Variants in NOCT observed in about 807,000 individuals in gnomAD.
NOCT encodes CCR4 carbon catabolite repression 4-like.
Under a neutral mutation model 35.0 loss-of-function variants are expected in NOCT, and 18 were observed. The ratio of observed to expected loss-of-function variants is 0.51; its 90% confidence interval spans 0.36 to 0.76. NOCT has a LOEUF of 0.76. NOCT is among the 30% of genes least tolerant of loss of function. NOCT has a pLI of 0.01. For missense variants in NOCT, 479 were observed against 541.0 expected (o/e 0.89, Z 1.14); for synonymous variants, 235 against 226.3 (o/e 1.04, Z -0.34).
At position 139,043,156 on chromosome 4, in the gene NOCT, A is replaced by G. The variant is rs755819420; in HGVS notation, c.273A>G (p.Pro91=). The G allele has an allele frequency of 6.2e-7, 1 of 1,614,052 alleles. No homozygotes were observed. The highest frequency in any genetic ancestry group is 1.1e-5 in the South Asian group (1 of 91,082). The change falls in exon 2 of 3, where the codon CCA becomes CCG. Residue 91 remains proline, a synonymous_variant. Transcript: ENST00000280614. ...TLNSSAASQH[P]EYLVSPDPEH... ...ACAGCAGCGCTGCCTCCCAGCACCC[A>G]GAGTATTTGGTGTCACCTGACCCAG...
At chr4:139,031,598 A>G (rs1462694748) in intron 1 of NOCT, among the ~76,000 whole-genome samples, 1 of 152,146 alleles carries the variant, frequency 6.6e-6, no homozygotes, top group Non-Finnish European at 1.5e-5. Context: ...TTATGGTCGC[A>G]TTCTTAGGAA....
At chr4:139,017,385 G>A (rs1018349601) in intron 1 of NOCT, among the ~76,000 whole-genome samples, 2 of 150,908 alleles carry the variant, frequency 1.3e-5, no homozygotes, top group African/African-American at 2.4e-5. Flanking sequence ...GCGCCACCGC[G>A]CCAGGCTGAT....
At position 139,015,898 on chromosome 4, in the gene NOCT, A is replaced by T. The variant is rs954388561; in HGVS notation, c.-84A>T. The T allele has an allele frequency of 4.3e-4, 477 of 1,107,738 alleles. 5 individuals carry two copies. In the Middle Eastern group the frequency reaches 6.2e-3, roughly 14 times the overall value. 68.6% of individuals were successfully genotyped at this position (1,107,738 alleles called of 1,614,324 possible). A position where few individuals can be genotyped will look rare whatever the true frequency, so the allele number is the denominator to read the frequency against. ...GAGCATCCGCCCACACTGCCCGGAC[A>T]GTCGGCTCGACTCGGTGCCCTCGGC... is the stretch of plus-strand genomic sequence containing the variant. On this transcript the variant is annotated 5_prime_UTR_variant, in exon 1 of 3. Transcript: ENST00000280614.
chr4:139,032,390 C>T (rs964833209), intron 1 of NOCT, among the ~76,000 whole-genome samples: 4 of 152,176 alleles, frequency 2.6e-5, no homozygotes, highest in African/African-American at 4.8e-5. Context: ...ATTGCCGTGA[C>T]TCATGCCCAG....
intron 1 of NOCT, among the ~76,000 whole-genome samples, chr4:139,020,301 T>A (rs1212741899): frequency 6.6e-6 from 1 of 152,240 alleles, no homozygotes. Context: ...ACAAGCTTTA[T>A]TGAATAGTAC....
chr4:139,016,285 C>A, intron 1 of NOCT, 114 bp downstream of exon 1: 2 of 624,456 alleles, frequency 3.2e-6, no homozygotes, highest in Non-Finnish European at 2.3e-6. Context: ...TGGAGTCTGG[C>A]CTGAAAGTGG....
intron 1 of NOCT, among the ~76,000 whole-genome samples, chr4:139,041,915 G>A (rs919725962): frequency 1.5e-5 from 2 of 137,096 alleles, no homozygotes; most frequent in Admixed American, 1.4e-4. Flanking sequence ...AGGAGAAATG[G>A]GAAAGAATCT....
chr4:139,021,415 T>C (rs1726410475), intron 1 of NOCT, among the ~76,000 whole-genome samples: 1 of 152,036 alleles, frequency 6.6e-6, no homozygotes, highest in African/African-American at 2.4e-5. Flanking sequence ...GGTCGGGAGT[T>C]CGAGACCAGC....
chr4:139,033,322 G>A (rs1167535046), intron 1 of NOCT, among the ~76,000 whole-genome samples: 4 of 151,728 alleles, frequency 2.6e-5, no homozygotes, highest in Non-Finnish European at 5.9e-5. Flanking sequence ...CTGAGAGTGT[G>A]CCTTTGCACT....
chr4:139,019,119 C>T (rs62320524), intron 1 of NOCT, among the ~76,000 whole-genome samples: 15,731 of 152,108 alleles, frequency 0.1, 1,598 homozygotes, highest in East Asian at 0.46. Context: ...GTAGTGGCGC[C>T]ACCTCTGCTC....
chr4:139,021,948 A>AG (rs1183770654), intron 1 of NOCT, among the ~76,000 whole-genome samples: 3 of 151,976 alleles, frequency 2.0e-5, no homozygotes, highest in Non-Finnish European at 4.4e-5. Flanking sequence ...TAGTAGAGAC[A>AG]GGGTTTCACC....
chr4:139,044,848 T>C lies in NOCT; in HGVS notation c.670T>C (p.Cys224Arg), dbSNP rs1222603242. 6.2e-7 allele frequency: 1 copy of C among 1,614,050 alleles called. No homozygotes were observed. Among genetic ancestry groups the C allele is most frequent in the Non-Finnish European group, 8.5e-7 (1 of 1,180,018 alleles). ...GTFFPKPWSP[C>R]LDVEHNNGPD... ...GTTTTTCCCCAAACCCTGGTCACCT[T>C]GTCTAGATGTAGAACACAACAATGG... is the stretch of plus-strand genomic sequence containing the variant. Residue 224 changes from cysteine to arginine, a missense_variant, in exon 3 of 3, where the codon TGT (cysteine) becomes CGT (arginine). Physicochemically the swap from Cys to Arg is radical, Grantham distance 180. Transcript: ENST00000280614.
At chr4:139,026,851 CTTTTTTTTTTCTTTTTTTTT>C (rs1726526799) in intron 1 of NOCT, among the ~76,000 whole-genome samples, 6 of 144,044 alleles carry the variant, frequency 4.2e-5, no homozygotes, top group East Asian at 4.1e-4. Flanking sequence ...CATCCCTGGC[CTTTTTTTTTTCTTTTTTTTT>C]TTTTTTTTTT....
At chr4:139,042,976 C>G (rs1726863182) in intron 1 of NOCT, 98 bp from the exon 2 acceptor site, 12 of 1,146,178 alleles carry the variant, frequency 1.0e-5, no homozygotes, top group Non-Finnish European at 1.4e-5. Flanking sequence ...AATTGAGCTC[C>G]TGGTTTCGGT....
intron 1 of NOCT, among the ~76,000 whole-genome samples, chr4:139,023,490 AT>A (rs1337738660): frequency 5.3e-5 from 8 of 152,112 alleles, no homozygotes; most frequent in Admixed American, 3.3e-4. Flanking sequence ...TAGTTCTAGA[AT>A]TAGTTTAATA....
rs1726913393 is a variant in NOCT at position 139,045,303 on chromosome 4, C to T, written c.1125C>T (p.Thr375=). 6.2e-7 allele frequency: 1 copy of T among 1,614,038 alleles called. No individual in the cohort carries two copies. The highest frequency in any genetic ancestry group is 8.5e-7 in the Non-Finnish European group (1 of 1,180,022). ...KIRTSGECRH[T]LDYIWYSKHA... ...GGACCTCAGGGGAGTGCAGGCACACCCTGGATTACATCTGGTATTCTAAAC... is the reference window on the plus strand; with the variant it reads ...GGACCTCAGGGGAGTGCAGGCACACTCTGGATTACATCTGGTATTCTAAAC... Residue 375 remains threonine (T), a synonymous_variant, in exon 3 of 3, where the codon ACC becomes ACT. Transcript: ENST00000280614.
intron 1 of NOCT, among the ~76,000 whole-genome samples, chr4:139,041,932 T>C (rs1726837777): frequency 6.6e-6 from 1 of 152,122 alleles, no homozygotes; most frequent in African/African-American, 2.4e-5. Context: ...ATCTAGCCAT[T>C]ACTTTCCCCA....
At chr4:139,017,780 G>A (rs1442112349) in intron 1 of NOCT, among the ~76,000 whole-genome samples, 1 of 150,422 alleles carries the variant, frequency 6.6e-6, no homozygotes, top group African/African-American at 2.5e-5. Context: ...TGGGTGACAA[G>A]AGTAAAACTC....
chr4:139,022,830 C>T (rs1427804771), intron 1 of NOCT, among the ~76,000 whole-genome samples: 1 of 152,158 alleles, frequency 6.6e-6, no homozygotes, highest in Non-Finnish European at 1.5e-5. Flanking sequence ...TACCGTGGCT[C>T]ATGCCTGTAA....
Sources: allele counts gnomAD v4.1 joint callset (sites outside exome capture counted in the v4.1 genomes callset), GRCh38; gene constraint gnomAD v4.1.1; transcripts MANE v1.5; gene names NCBI Gene and HGNC (gene_info 2026-07-23, HGNC 2026-07-21).